The following RHPN2 variants were observed in gnomAD, a reference collection of about 807,000 sequenced individuals.
RHPN2 encodes the protein rhophilin-2.
RHPN2 carries 40 observed loss-of-function variants against 79.0 expected under a neutral mutation model. The ratio of observed to expected loss-of-function variants is 0.51; its 90% CI spans 0.39 to 0.66. The LOEUF (loss-of-function observed/expected upper bound fraction) is 0.66, where lower values mean the gene tolerates loss of function less well. Among genes scored for constraint, RHPN2 ranks in the 30% least tolerant of loss-of-function variants. The probability of loss-of-function intolerance (pLI) is 0.00; values close to 1 mark genes in which losing one functional copy is unlikely to be tolerated. For missense variants in RHPN2, 686 were observed against 883.5 expected (o/e 0.78, Z 2.83); for synonymous variants, 285 against 363.5 (o/e 0.78, Z 2.46).
intron 14 of RHPN2, among the ~76,000 whole-genome samples, chr19:32,990,199 T>A (rs1302455296): frequency 7.1e-6 from 1 of 141,204 alleles, no homozygotes; most frequent in Non-Finnish European, 1.5e-5. Context: ...TGCCTATAAT[T>A]CCAGCTGCTC....
At chr19:33,043,683 A>G (rs1160360434) in intron 2 of RHPN2, among the ~76,000 whole-genome samples, 2 of 152,044 alleles carry the variant, frequency 1.3e-5, no homozygotes, top group Admixed American at 1.3e-4. Context: ...TTGCCTGGAG[A>G]GGGTTTATAG....
chr19:33,026,937 A>G lies in RHPN2; in HGVS notation c.186-305T>C, dbSNP rs1971972609. On this transcript the variant is annotated intron_variant, in intron 2 of 14. Transcript: ENST00000254260. ...ACTGCTCCCAGCCATGCCCTAAAAT[A>G]CCATAAGATACCCACTTGAAAAGAA... 5 of 359,134 alleles carry G rather than the reference A, an allele frequency of 1.4e-5. No homozygotes were observed. In the East Asian group the frequency reaches 3.5e-4, roughly 25 times the overall value. 22.2% of individuals were successfully genotyped at this position (359,134 alleles called of 1,614,324 possible). A position where few individuals can be genotyped will look rare whatever the true frequency, so the allele number is the denominator to read the frequency against.
At chr19:33,000,473 A>T (rs535382445) in intron 9 of RHPN2, among the ~76,000 whole-genome samples, 27 of 152,120 alleles carry the variant, frequency 1.8e-4, no homozygotes, top group African/African-American at 6.3e-4. Context: ...TCGGCCTCCC[A>T]AAGTGCTGGG....
rs772390631 is a variant in RHPN2 at position 32,990,577 on chromosome 19, C to T, written c.1737G>A (p.Lys579=). ...LTLSEVMKLL[K]SFGEDEIEMK... Reference sequence around the variant, plus strand: ...TCTCGATCTCGTCCTCGCCAAAGCTCTTCAGCAGCTTCATAACCTCACTCA... The same window carrying T: ...TCTCGATCTCGTCCTCGCCAAAGCTTTTCAGCAGCTTCATAACCTCACTCA... Residue 579 remains lysine, a synonymous_variant, in exon 14 of 15, where the codon AAG becomes AAA. Transcript: ENST00000254260. 2.5e-6 allele frequency: 4 copies of T among 1,613,768 alleles called. No homozygotes were observed. The African/African-American group carries it at 5.3e-5, about 22-fold the overall frequency.
chr19:33,040,808 G>C (rs2145260547), intron 2 of RHPN2, among the ~76,000 whole-genome samples: 1 of 152,120 alleles, frequency 6.6e-6, no homozygotes, highest in South Asian at 2.1e-4. Flanking sequence ...ATAAAATTTA[G>C]CCAGGCATGG....
intron 4 of RHPN2, among the ~76,000 whole-genome samples, chr19:33,020,494 ATT>A (rs35117323): frequency 5.6e-4 from 74 of 131,362 alleles, no homozygotes; most frequent in Middle Eastern, 3.7e-3. Flanking sequence ...TGCCCAGCTA[ATT>A]TTTTTTTTTT....
intron 11 of RHPN2, among the ~76,000 whole-genome samples, chr19:32,994,713 G>A (rs2146004439): frequency 6.6e-6 from 1 of 152,166 alleles, no homozygotes; most frequent in East Asian, 1.9e-4. Flanking sequence ...TGTAATCCCA[G>A]CACTTTGGGA....
At chr19:32,994,986 G>C (rs1401738067) in intron 11 of RHPN2, among the ~76,000 whole-genome samples, 1 of 152,072 alleles carries the variant, frequency 6.6e-6, no homozygotes, top group Non-Finnish European at 1.5e-5. Context: ...AAAACCTATT[G>C]AGAAGTCATC....
intron 2 of RHPN2, among the ~76,000 whole-genome samples, chr19:33,031,665 T>C (rs1350088435): frequency 6.6e-6 from 1 of 151,974 alleles, no homozygotes; most frequent in Non-Finnish European, 1.5e-5. Flanking sequence ...ACTACAGATA[T>C]GCACCATTGC....
intron 1 of RHPN2, among the ~76,000 whole-genome samples, chr19:33,046,257 T>G (rs1319418151): frequency 2.0e-5 from 3 of 152,150 alleles, no homozygotes; most frequent in Non-Finnish European, 2.9e-5. Context: ...TTTTTTGTTT[T>G]GTTTTTATTT....
At chr19:32,983,304 A>T (rs1252246709) in intron 14 of RHPN2, among the ~76,000 whole-genome samples, 1 of 151,984 alleles carries the variant, frequency 6.6e-6, no homozygotes, top group Non-Finnish European at 1.5e-5. Context: ...CAAGGTCAGG[A>T]GATTGAGACC....
intron 5 of RHPN2, 41 bp from the exon 6 acceptor site, chr19:33,011,844 A>T: frequency 6.2e-7 from 1 of 1,613,710 alleles, no homozygotes. Flanking sequence ...GCAGAGGAGG[A>T]CACAGCTGAT....
intron 4 of RHPN2, among the ~76,000 whole-genome samples, chr19:33,020,478 C>T (rs1317639802): frequency 6.7e-6 from 1 of 150,076 alleles, no homozygotes; most frequent in African/African-American, 2.5e-5. Context: ...CAGGCATATG[C>T]CACTATGCCC....
chr19:32,994,463 C>T (rs540393244), intron 11 of RHPN2, among the ~76,000 whole-genome samples: 87 of 152,086 alleles, frequency 5.7e-4, no homozygotes, highest in African/African-American at 2.0e-3. Flanking sequence ...TCCTTCCCCT[C>T]GGTTTAGACA....
At chr19:33,020,532 C>T (rs1406578464) in intron 4 of RHPN2, among the ~76,000 whole-genome samples, 7 of 147,096 alleles carry the variant, frequency 4.8e-5, no homozygotes, top group Admixed American at 1.4e-4. Context: ...CTCACTCTGT[C>T]GCCCAGGCTG....
At chr19:33,013,209 CAAA>C (rs1360480004) in intron 4 of RHPN2, among the ~76,000 whole-genome samples, 1 of 75,846 alleles carries the variant, frequency 1.3e-5, no homozygotes, top group African/African-American at 7.5e-5. Flanking sequence ...AAACAAAAAA[CAAA>C]AAACAGAGTT....
intron 1 of RHPN2, among the ~76,000 whole-genome samples, chr19:33,062,127 T>C (rs558578516): frequency 5.5e-4 from 84 of 152,158 alleles, no homozygotes; most frequent in Non-Finnish European, 1.1e-3. Flanking sequence ...AAATTGATGA[T>C]TTTAATTGTA....
chr19:33,033,785 T>C (rs1410082654), intron 2 of RHPN2, among the ~76,000 whole-genome samples: 1 of 151,778 alleles, frequency 6.6e-6, no homozygotes. Context: ...GAGACTCGCT[T>C]GAACCCGGGA....
chr19:33,048,550 A>T (rs1599834308), intron 1 of RHPN2, among the ~76,000 whole-genome samples: 1 of 149,162 alleles, frequency 6.7e-6, no homozygotes, highest in South Asian at 2.2e-4. Flanking sequence ...ACATGGTGAA[A>T]CCCTGTCTCT....
Sources: allele counts gnomAD v4.1 joint callset (sites outside exome capture counted in the v4.1 genomes callset), GRCh38; gene constraint gnomAD v4.1.1; transcripts MANE v1.5; gene names NCBI Gene and HGNC (gene_info 2026-07-23, HGNC 2026-07-21).